Variants in ZNF234 observed in about 807,000 individuals in gnomAD.
ZNF234 encodes the protein zinc finger protein 234, also known as C2-H2 type zinc finger protein.
A neutral mutation model predicts 10.3 loss-of-function variants in ZNF234; 4 were observed. That is an observed-to-expected ratio of 0.39 (90% confidence interval 0.19 to 0.89). The LOEUF is 0.89. ZNF234 is among the 40% of genes least tolerant of loss of function. The probability of loss-of-function intolerance (pLI) is 0.38; values close to 1 mark genes in which losing one functional copy is unlikely to be tolerated. For synonymous variants in ZNF234, 258 were observed against 280.1 expected (o/e 0.92, Z 0.79); for missense variants, 711 against 836.1 (o/e 0.85, Z 1.85).
At position 44,159,747 on chromosome 19, in the gene ZNF234, C is replaced by A; in HGVS notation, c.*1628C>A. The A allele has an allele frequency of 2.7e-6, 1 of 372,102 alleles. No individual in the cohort carries two copies. The highest frequency in any genetic ancestry group is 5.7e-6 in the Non-Finnish European group (1 of 174,314). 23.1% of individuals were successfully genotyped at this position (372,102 alleles called of 1,614,324 possible). A position where few individuals can be genotyped will look rare whatever the true frequency, so the allele number is the denominator to read the frequency against. On this transcript the variant is annotated 3_prime_UTR_variant, in exon 6 of 6. Coordinates refer to ENST00000426739, the MANE Select transcript of ZNF234 (RefSeq NM_006630.3). ...TAACTGTAGCATTCTCTTATTAAAA[C>A]TTCTGGCTGGGTGTGGTGGCTCATG...
At chr19:44,146,016 G>T (rs1968581325) in intron 3 of ZNF234, among the ~76,000 whole-genome samples, 1 of 152,210 alleles carries the variant, frequency 6.6e-6, no homozygotes, top group African/African-American at 2.4e-5. Context: ...GGTGAAATAT[G>T]AGAAACCTTC....
rs187641694 is a variant in ZNF234 at position 44,157,827 on chromosome 19, A to C, written c.1811A>C (p.His604Pro). 9.5e-5 allele frequency: 154 copies of C among 1,613,300 alleles called. No homozygotes were observed. The African/African-American group carries it at 1.9e-3, about 20-fold the overall frequency. The change falls in exon 6 of 6, where the codon CAC becomes CCC. Residue 604 changes from histidine (H) to proline (P), a missense_variant. Coordinates refer to ENST00000426739, the MANE Select transcript of ZNF234 (RefSeq NM_006630.3). ...TATACATGTGGGGAGTGTGGGAAGC[A>C]CTTCAGTCAGGCCTCAAGTCTCCAA... ...KPYTCGECGKHFSQASSLQLH... is the reference protein window; with the variant it reads ...KPYTCGECGKPFSQASSLQLH...
rs192496025 is a variant in ZNF234, at chr19:44,157,917, G to T, written c.1901G>T (p.Ser634Ile). The T allele has an allele frequency of 1.2e-6, 2 of 1,614,192 alleles. No homozygotes were observed. Among genetic ancestry groups the T allele is most frequent in the East Asian group, 2.2e-5 (1 of 44,884 alleles). ...YKCDVCGKVF[S>I]RSSQLQYHRR... ...TGTGATGTATGTGGTAAAGTCTTCA[G>T]TCGGTCTTCACAATTACAGTATCAT... is the stretch of plus-strand genomic sequence containing the variant. Residue 634 changes from serine (S) to isoleucine (I), a missense_variant, in exon 6 of 6, where the codon AGT becomes ATT. Coordinates refer to ENST00000426739, the MANE Select transcript of ZNF234 (RefSeq NM_006630.3).
rs1327454805 is a variant in ZNF234 at position 44,156,680 on chromosome 19, C to T, written c.664C>T (p.His222Tyr). The change falls in exon 6 of 6, where the codon CAT (histidine) becomes TAT (tyrosine). Residue 222 changes from histidine (H) to tyrosine (Y), a missense_variant. By Grantham distance (83) the His-to-Tyr change is moderately conservative. Transcript: ENST00000426739. Reference sequence around the variant, plus strand: ...TAGTCAGAGCTCACATCTTCAAACTCATCAGAGAGTCCACACTGTAGAGAA... The same window carrying T: ...TAGTCAGAGCTCACATCTTCAAACTTATCAGAGAGTCCACACTGTAGAGAA... ...EFSQSSHLQT[H>Y]QRVHTVEKPF... The T allele has an allele frequency of 7.4e-6, 12 of 1,614,182 alleles. No individual in the cohort carries two copies. Among genetic ancestry groups the T allele is most frequent in the Non-Finnish European group, 9.3e-6 (11 of 1,180,040 alleles).
At position 44,156,363 on chromosome 19, in the gene ZNF234, ACT is replaced by A. The variant is rs1257626526; in HGVS notation, c.350_351del (p.Ser117TyrfsTer12). On this transcript the variant is annotated frameshift_variant, in exon 6 of 6. Transcript: ENST00000426739. LOFTEE classifies it low-confidence loss of function (END_TRUNC). ...GCAAGTGATTTAATCAAGTATGAAG[ACT>A]CTATGATAAGTATTTCTCGGTTCCC... 6 of 1,613,094 alleles carry A rather than the reference ACT, an allele frequency of 3.7e-6. No individual in the cohort carries two copies. In the East Asian group the frequency reaches 6.7e-5, roughly 18 times the overall value.
chr19:44,158,293 C>A lies in ZNF234; in HGVS notation c.*174C>A. On this transcript the variant is annotated 3_prime_UTR_variant, in exon 6 of 6. Coordinates refer to ENST00000426739, the MANE Select transcript of ZNF234 (RefSeq NM_006630.3). ...TTTTGTTTTGAAACAGAATCTCGCT[C>A]TGTTGCCCATGCTGGATGCAGTGGT... 2 of 730,038 alleles carry A rather than the reference C, an allele frequency of 2.7e-6. No individual in the cohort carries two copies. Among genetic ancestry groups the A allele is most frequent in the Non-Finnish European group, 4.6e-6 (2 of 432,058 alleles). The allele number at this position is 730,038 out of a possible 1,614,324, so 45.2% of individuals were successfully genotyped here.
chr19:44,159,305 T>C lies in ZNF234; in HGVS notation c.*1186T>C, dbSNP rs181925289. ...CCATCTGCCCATCTCTCCCTCTGAG[T>C]AGCTGGGACCACGGGCACGTGCCAC... On this transcript the variant is annotated 3_prime_UTR_variant, in exon 6 of 6. Transcript: ENST00000426739. The C allele has an allele frequency of 5.6e-6, 1 of 178,294 alleles. No homozygotes were observed. Among genetic ancestry groups the C allele is most frequent in the Non-Finnish European group, 1.2e-5 (1 of 82,140 alleles). The allele number at this position is 178,294 out of a possible 1,614,324, so 11.0% of individuals were successfully genotyped here.
At chr19:44,149,594 G>A (rs1210691833) in intron 4 of ZNF234, among the ~76,000 whole-genome samples, 1 of 152,152 alleles carries the variant, frequency 6.6e-6, no homozygotes, top group East Asian at 1.9e-4. Flanking sequence ...TTAGAGTGAA[G>A]GTTTAATAAG....
At chr19:44,147,263 G>A (rs1968621397) in intron 3 of ZNF234, among the ~76,000 whole-genome samples, 1 of 151,786 alleles carries the variant, frequency 6.6e-6, no homozygotes. Context: ...TTGGGACGGG[G>A]TCTCACTCTG....
chr19:44,144,054 G>C (rs1287674509), intron 2 of ZNF234, among the ~76,000 whole-genome samples: 1 of 152,114 alleles, frequency 6.6e-6, no homozygotes, highest in Admixed American at 6.5e-5. Flanking sequence ...CATTTCAAGT[G>C]TACAATTCAG....
Position 44,158,155 on chromosome 19 carries a change from A to G in ZNF234, c.*36A>G. The G allele has an allele frequency of 1.9e-6, 3 of 1,587,220 alleles. No homozygotes were observed. The highest frequency in any genetic ancestry group is 2.6e-6 in the Non-Finnish European group (3 of 1,170,046). On this transcript the variant is annotated 3_prime_UTR_variant, in exon 6 of 6. Coordinates refer to ENST00000426739, the MANE Select transcript of ZNF234 (RefSeq NM_006630.3). ...AAAAACAGAACTCATGTACAACCTGAATGCTTGTAATTAGATTTCATAGGA... is the reference window on the plus strand; with the variant it reads ...AAAAACAGAACTCATGTACAACCTGGATGCTTGTAATTAGATTTCATAGGA...
intron 2 of ZNF234, among the ~76,000 whole-genome samples, chr19:44,143,616 GA>G (rs61062157): frequency 0.17 from 18,577 of 111,896 alleles, 2,969 homozygotes; most frequent in African/African-American, 0.42. Context: ...CTCAGAAAAA[GA>G]AAAAAAAAAA....
intron 5 of ZNF234, 99 bp downstream of exon 5, chr19:44,150,604 C>A: frequency 1.1e-6 from 1 of 942,796 alleles, no homozygotes; most frequent in South Asian, 1.7e-5. Flanking sequence ...TGCCAAACCT[C>A]TGTCCTGGAT....
chr19:44,157,817 T>C lies in ZNF234; in HGVS notation c.1801T>C (p.Cys601Arg). The C allele has an allele frequency of 6.2e-7, 1 of 1,613,788 alleles. No homozygotes were observed. Among genetic ancestry groups the C allele is most frequent in the Non-Finnish European group, 8.5e-7 (1 of 1,179,946 alleles). The change falls in exon 6 of 6, where the codon TGT becomes CGT. Residue 601 changes from cysteine to arginine, a missense_variant. Physicochemically the swap from Cys to Arg is radical, Grantham distance 180 (BLOSUM62 -3). Transcript: ENST00000426739. ...AGAAAAACCCTATACATGTGGGGAG[T>C]GTGGGAAGCACTTCAGTCAGGCCTC... ...TGEKPYTCGE[C>R]GKHFSQASSL...
rs1156304452 is a variant in ZNF234, at chr19:44,147,395, T to G, written c.16-1376T>G. Among the ~76,000 whole-genome samples, 3 of 151,596 alleles carry G rather than the reference T, an allele frequency of 2.0e-5. No individual in the cohort carries two copies. The East Asian group carries it at 5.9e-4, about 30-fold the overall frequency. ...GGGACCACAGGCACACGCCACCACA[T>G]GCAGCTAATTTTTTGTACTTTTTGT... On this transcript the variant is annotated intron_variant, in intron 3 of 5. Transcript: ENST00000426739.
chr19:44,150,585 G>C, intron 5 of ZNF234, 80 bp downstream of exon 5: 2 of 1,232,720 alleles, frequency 1.6e-6, no homozygotes. Context: ...GCTGCCATCG[G>C]GTCCAAATTG....
Position 44,158,314 on chromosome 19 carries a change from G to GT in ZNF234, c.*196dup. 1 of 624,446 alleles carries GT rather than the reference G, an allele frequency of 1.6e-6. No individual in the cohort carries two copies. Among genetic ancestry groups the GT allele is most frequent in the Non-Finnish European group, 2.8e-6 (1 of 353,588 alleles). 38.7% of individuals were successfully genotyped at this position (624,446 alleles called of 1,614,324 possible). On this transcript the variant is annotated 3_prime_UTR_variant, in exon 6 of 6. Transcript: ENST00000426739. The stretch of plus-strand genomic sequence containing the variant: ...CGCTCTGTTGCCCATGCTGGATGCA[G>GT]TGGTGCTATCTCAGCTCACTGTAAC...
intron 3 of ZNF234, 120 bp from the exon 4 acceptor site, chr19:44,148,651 T>C (rs779578292): frequency 1.4e-6 from 2 of 1,385,260 alleles, no homozygotes; most frequent in Non-Finnish European, 2.0e-6. Flanking sequence ...CTGAGAAATC[T>C]ACACATTAAG....
chr19:44,146,510 G>C (rs903517176), intron 3 of ZNF234, among the ~76,000 whole-genome samples: 2 of 152,134 alleles, frequency 1.3e-5, no homozygotes, highest in Non-Finnish European at 2.9e-5. Flanking sequence ...ACATCTCTGA[G>C]GAGTACCCTG....
Sources: gnomAD v4.1 joint callset for allele counts (sites outside exome capture counted in the v4.1 genomes callset) on GRCh38, gnomAD v4.1.1 for gene constraint, MANE v1.5 for transcripts, NCBI Gene and HGNC (gene_info 2026-07-23, HGNC 2026-07-21) for gene names.